The following PPARGC1A variants were observed in gnomAD, a reference collection of about 807,000 sequenced individuals.
PPARGC1A encodes PPARG coactivator 1 alpha, also known as peroxisome proliferator-activated receptor gamma coactivator 1-alpha.
A neutral mutation model predicts 88.7 loss-of-function variants in PPARGC1A; 25 were observed. That is an observed-to-expected ratio of 0.28 (90% CI 0.21 to 0.39). PPARGC1A has a LOEUF of 0.39. Among genes scored for constraint, PPARGC1A ranks in the 10% least tolerant of loss-of-function variants. PPARGC1A has a pLI of 1.00. For synonymous variants in PPARGC1A, 363 were observed against 355.6 expected, an observed-to-expected ratio of 1.02 and a Z score of -0.24; for missense variants, 880 against 968.7, an observed-to-expected ratio of 0.91 and a Z score of 1.22.
the PPARGC1A span, among the ~76,000 whole-genome samples, chr4:23,913,264 A>C: frequency 1.4e-4 from 5 of 34,668 alleles, no homozygotes; most frequent in Non-Finnish European, 2.0e-4. Flanking sequence ...ATATATATAT[A>C]TATAGAGAGA....
the PPARGC1A span, among the ~76,000 whole-genome samples, chr4:24,018,480 T>C: frequency 2.6e-5 from 4 of 152,122 alleles, no homozygotes; most frequent in East Asian, 7.8e-4. Context: ...GGTTTGGATG[T>C]GGGGTGAGGG....
the PPARGC1A span, among the ~76,000 whole-genome samples, chr4:24,078,024 T>C: frequency 6.6e-6 from 1 of 152,088 alleles, no homozygotes; most frequent in Non-Finnish European, 1.5e-5. Flanking sequence ...TTATGATAAG[T>C]GCAATATACT....
chr4:24,341,347 A>G, the PPARGC1A span, among the ~76,000 whole-genome samples: 1 of 152,092 alleles, frequency 6.6e-6, no homozygotes, highest in East Asian at 1.9e-4. Context: ...AAATGAAAAT[A>G]TATTTCAATA....
chr4:24,388,481 A>G, the PPARGC1A span, among the ~76,000 whole-genome samples: 5 of 152,224 alleles, frequency 3.3e-5, no homozygotes, highest in East Asian at 9.6e-4. Flanking sequence ...TATATACCCA[A>G]AGGATTATAA....
At chr4:23,942,993 T>G in the PPARGC1A span, among the ~76,000 whole-genome samples, 1 of 152,202 alleles carries the variant, frequency 6.6e-6, no homozygotes, top group African/African-American at 2.4e-5. Flanking sequence ...CAATTTGAAT[T>G]GTAGGTATAA....
intron 2 of PPARGC1A, among the ~76,000 whole-genome samples, chr4:23,841,113 T>A (rs1265455241): frequency 6.6e-6 from 1 of 152,158 alleles, no homozygotes. Context: ...AAATCTGTTG[T>A]CTGGAAGGAT....
chr4:23,847,951 G>A (rs1407442145), intron 2 of PPARGC1A, among the ~76,000 whole-genome samples: 1 of 152,116 alleles, frequency 6.6e-6, no homozygotes, highest in Admixed American at 6.6e-5. Context: ...GAGAAAATGG[G>A]AAGAGAAATA....
At chr4:23,934,266 AG>A in the PPARGC1A span, among the ~76,000 whole-genome samples, 6 of 152,200 alleles carry the variant, frequency 3.9e-5, no homozygotes, top group Non-Finnish European at 8.8e-5. Context: ...AGTCAAAACA[AG>A]GGGACGTCAC....
the PPARGC1A span, among the ~76,000 whole-genome samples, chr4:23,968,213 T>C: frequency 5.3e-5 from 8 of 152,308 alleles, no homozygotes; most frequent in Admixed American, 2.6e-4. Context: ...ATCTGTAAAA[T>C]GGGAATCTGA....
the PPARGC1A span, among the ~76,000 whole-genome samples, chr4:24,246,609 C>A: frequency 3.9e-5 from 6 of 152,114 alleles, no homozygotes; most frequent in Non-Finnish European, 7.3e-5. Context: ...CAGCCAGACC[C>A]TGTCAAAAAT....
At chr4:24,402,904 A>G in the PPARGC1A span, among the ~76,000 whole-genome samples, 1 of 152,222 alleles carries the variant, frequency 6.6e-6, no homozygotes, top group East Asian at 1.9e-4. Flanking sequence ...CTCATTTGCT[A>G]ATGTATCCCC....
In PPARGC1A at chr4:23,795,529, G is replaced by T; in HGVS notation, c.*293C>A. ...TACACACACACATACATGCACACAC[G>T]CACACTCCATCACCAAGAGACTCCA... On this transcript the variant is annotated 3_prime_UTR_variant, in exon 13 of 13. Coordinates refer to ENST00000264867, the MANE Select transcript of PPARGC1A (RefSeq NM_013261.5). 3.1e-6 allele frequency: 1 copy of T among 320,800 alleles called. No individual in the cohort carries two copies. The highest frequency in any genetic ancestry group is 5.8e-6 in the Non-Finnish European group (1 of 171,748). The allele number at this position is 320,800 out of a possible 1,614,324, so 19.9% of individuals were successfully genotyped here.
the PPARGC1A span, among the ~76,000 whole-genome samples, chr4:24,173,226 A>G: frequency 0.98 from 149,089 of 151,916 alleles, 73,210 homozygotes; most frequent in East Asian, 1. Flanking sequence ...GATCATTAAA[A>G]CCCCTTCTGA....
chr4:23,946,462 C>T, the PPARGC1A span, among the ~76,000 whole-genome samples: 1 of 152,038 alleles, frequency 6.6e-6, no homozygotes, highest in African/African-American at 2.4e-5. Context: ...GTGGCTTCCG[C>T]TTGAAGAATG....
chr4:24,033,905 A>C, the PPARGC1A span, among the ~76,000 whole-genome samples: 1 of 152,204 alleles, frequency 6.6e-6, no homozygotes, highest in African/African-American at 2.4e-5. Flanking sequence ...GCTGCTTTCA[A>C]GACAATTTCC....
chr4:24,470,324 ACTCT>A, the PPARGC1A span, among the ~76,000 whole-genome samples: 17 of 107,816 alleles, frequency 1.6e-4, no homozygotes, highest in Non-Finnish European at 1.5e-4. This position sits in a 1 kb window ranked among gnomAD's most constrained non-coding sequence, Gnocchi z 5.8. Flanking sequence ...ACACACACAC[ACTCT>A]CTCACACAGG....
Position 23,822,817 on chromosome 4 carries a change from C to T in PPARGC1A, c.877+1463G>A, listed in dbSNP as rs563699221. On this transcript the variant is annotated intron_variant, in intron 7 of 12. Transcript: ENST00000264867. Reference sequence around the variant, plus strand: ...TTTCAAGTCCTCATCTCCTTGCTTTCCAAAGCTCTAAATCACTTCTGTTAC... The same window carrying T: ...TTTCAAGTCCTCATCTCCTTGCTTTTCAAAGCTCTAAATCACTTCTGTTAC... Among the ~76,000 whole-genome samples the T allele has an allele frequency of 1.2e-4, 19 of 152,182 alleles. 1 individual carries two copies. In the East Asian group the frequency reaches 2.7e-3, roughly 22 times the overall value.
At chr4:23,855,560 G>T (rs531334895) in intron 2 of PPARGC1A, among the ~76,000 whole-genome samples, 3 of 152,212 alleles carry the variant, frequency 2.0e-5, no homozygotes, top group Admixed American at 6.5e-5. Context: ...ATAATTTCAG[G>T]TTTATTTAAT....
the PPARGC1A span, among the ~76,000 whole-genome samples, chr4:24,034,074 G>C: frequency 6.6e-6 from 1 of 152,124 alleles, no homozygotes; most frequent in South Asian, 2.1e-4. Flanking sequence ...AATTACGTAG[G>C]TATCTGCTGG....
Sources: allele counts gnomAD v4.1 joint callset (sites outside exome capture counted in the v4.1 genomes callset), GRCh38; gene constraint gnomAD v4.1.1; non-coding constraint Gnocchi (gnomAD v3.1); transcripts MANE v1.5; gene names NCBI Gene and HGNC (gene_info 2026-07-23, HGNC 2026-07-21).